RIMS2: variants seen among roughly 807,000 people sequenced by gnomAD.
RIMS2 encodes the protein regulating synaptic membrane exocytosis 2, also known as regulating synaptic membrane exocytosis protein 2.
A neutral mutation model predicts 174.4 loss-of-function variants in RIMS2; 59 were observed. The ratio of observed to expected loss-of-function variants is 0.34; its 90% CI spans 0.27 to 0.42. The LOEUF (loss-of-function observed/expected upper bound fraction) is 0.42, where lower values mean the gene tolerates loss of function less well. Ranked by LOEUF, RIMS2 falls within the 10% of genes least tolerant of loss-of-function variation. The pLI, the probability that RIMS2 is intolerant of heterozygous loss-of-function variation, is 1.00. For missense variants in RIMS2, 1,620 were observed against 1,666.3 expected (o/e 0.97, Z 0.48); for synonymous variants, 606 against 572.5 (o/e 1.06, Z -0.84).
At chr8:104,223,633 A>G (rs1385975950) in intron 19 of RIMS2, 5 of 1,584,830 alleles carry the variant, frequency 3.2e-6, no homozygotes, top group Non-Finnish European at 4.3e-6. Context: ...ACCGCGGGAA[A>G]AGCGGGTCCT....
chr8:103,872,003 G>T (rs530641473), intron 3 of RIMS2, among the ~76,000 whole-genome samples: 1 of 152,192 alleles, frequency 6.6e-6, no homozygotes, highest in South Asian at 2.1e-4. Context: ...TTTTTTTCTA[G>T]ACTCTTGCTT....
chr8:104,113,127 G>A (rs1203290022), intron 19 of RIMS2, among the ~76,000 whole-genome samples: 5 of 152,066 alleles, frequency 3.3e-5, no homozygotes, highest in South Asian at 4.1e-4. Context: ...GACTTTAGAA[G>A]TTAACTATCT....
At chr8:104,027,035 G>T (rs1366848086) in intron 19 of RIMS2, among the ~76,000 whole-genome samples, 1 of 152,092 alleles carries the variant, frequency 6.6e-6, no homozygotes, top group Non-Finnish European at 1.5e-5. Context: ...AATACCAAGG[G>T]ATTTATCATA....
Position 103,603,473 on chromosome 8 carries a change from T to C in RIMS2, c.177-93613T>C, listed in dbSNP as rs937497307. On this transcript the variant is annotated intron_variant, in intron 1 of 23. Transcript: ENST00000504942. Reference sequence around the variant, plus strand: ...CAATAAACATACGTGTGCATGTGTCTTTATAGCAGCATGATTTAGAGTTCT... The same window carrying C: ...CAATAAACATACGTGTGCATGTGTCCTTATAGCAGCATGATTTAGAGTTCT... Among the ~76,000 whole-genome samples, 86 of 151,568 alleles carry C rather than the reference T, an allele frequency of 5.7e-4. 1 individual carries two copies. The highest frequency in any genetic ancestry group is 1.8e-3 in the African/African-American group (73 of 41,256).
intron 19 of RIMS2, among the ~76,000 whole-genome samples, chr8:104,213,505 C>T (rs1406207552): frequency 6.6e-6 from 1 of 152,092 alleles, no homozygotes; most frequent in African/African-American, 2.4e-5. Context: ...TTCCCGTTTG[C>T]TCATTATTTT....
intron 1 of RIMS2, among the ~76,000 whole-genome samples, chr8:103,622,581 A>G (rs2134718652): frequency 6.6e-6 from 1 of 152,336 alleles, no homozygotes; most frequent in South Asian, 2.1e-4. Flanking sequence ...GATTATAGCC[A>G]GGTCATAGAT....
chr8:104,118,370 G>GTTTTTT (rs113018786), intron 19 of RIMS2, among the ~76,000 whole-genome samples: 1 of 136,492 alleles, frequency 7.3e-6, no homozygotes, highest in Non-Finnish European at 1.6e-5. Flanking sequence ...TTGTTTTTTT[G>GTTTTTT]TTTTTTTTTT....
chr8:103,939,111 T>C (rs2081968828), intron 13 of RIMS2, among the ~76,000 whole-genome samples: 1 of 152,188 alleles, frequency 6.6e-6, no homozygotes, highest in Admixed American at 6.5e-5. Context: ...ACAGCTCCAC[T>C]AGGTGGTGCC....
chr8:103,541,180 A>C (rs2080610), intron 1 of RIMS2, among the ~76,000 whole-genome samples: 57,119 of 151,982 alleles, frequency 0.38, 11,073 homozygotes, highest in African/African-American at 0.4. Context: ...TCAGTCCATA[A>C]ACGACCACAT....
At chr8:104,136,680 A>C (rs1298034994) in intron 19 of RIMS2, among the ~76,000 whole-genome samples, 1 of 152,202 alleles carries the variant, frequency 6.6e-6, no homozygotes, top group African/African-American at 2.4e-5. Flanking sequence ...CATTATCCTT[A>C]GCAAACTAAC....
intron 3 of RIMS2, among the ~76,000 whole-genome samples, chr8:103,797,863 C>T (rs1414736760): frequency 6.6e-6 from 1 of 152,080 alleles, no homozygotes; most frequent in Non-Finnish European, 1.5e-5. Flanking sequence ...TTTGTCACTG[C>T]CAGTCCTGGC....
chr8:103,610,272 T>A (rs1362202168), intron 1 of RIMS2, among the ~76,000 whole-genome samples: 2 of 152,178 alleles, frequency 1.3e-5, no homozygotes, highest in Admixed American at 1.3e-4. Context: ...CTATGTCATA[T>A]GCAAAGGGGA....
intron 19 of RIMS2, among the ~76,000 whole-genome samples, chr8:104,120,494 G>A (rs1366593776): frequency 6.6e-6 from 1 of 151,986 alleles, no homozygotes; most frequent in Non-Finnish European, 1.5e-5. Flanking sequence ...AGTAATTTCG[G>A]TATCCATCAA....
chr8:103,941,902 A>G (rs951150418), intron 13 of RIMS2, among the ~76,000 whole-genome samples: 4 of 152,212 alleles, frequency 2.6e-5, no homozygotes, highest in African/African-American at 9.6e-5. Context: ...TGAAAATTAA[A>G]CAATAAGACG....
Position 103,814,594 on chromosome 8 carries a change from G to A in RIMS2, c.698+48057G>A, listed in dbSNP as rs374961917. On this transcript the variant is annotated intron_variant, in intron 3 of 23. Coordinates refer to ENST00000504942, the Ensembl canonical transcript of RIMS2. ...AGGAATTACTGTTTAAGAAGGAGAAGTCAGGCACAGTGGCCCACACCTGTA... is the reference window on the plus strand; with the variant it reads ...AGGAATTACTGTTTAAGAAGGAGAAATCAGGCACAGTGGCCCACACCTGTA... Among the ~76,000 whole-genome samples the A allele has an allele frequency of 7.2e-5, 11 of 152,286 alleles. No individual in the cohort carries two copies. In the South Asian group the frequency reaches 1.2e-3, roughly 17 times the overall value.
Position 103,863,896 on chromosome 8 carries a change from T to G in RIMS2, c.699-21402T>G, listed in dbSNP as rs576499340. On this transcript the variant is annotated intron_variant, in intron 3 of 23. Transcript: ENST00000504942. ...ATTTTCAAAGAACCAAGTTTTTTTT[T>G]TTGTTTTTTTTGTTTGTTTGTTTGT... 7.1e-3 allele frequency among the ~76,000 whole-genome samples: 870 copies of G among 122,976 alleles called. 8 individuals are homozygous for G. Among genetic ancestry groups the G allele is most frequent in the African/African-American group, 0.029 (820 of 28,082 alleles). The allele number at this position is 122,976 out of a possible 152,430, so 80.7% of individuals were successfully genotyped here. A position where few individuals can be genotyped will look rare whatever the true frequency, so the allele number is the denominator to read the frequency against.
At chr8:104,248,946 T>A in intron 21 of RIMS2, 133 bp downstream of exon 27, 1 of 577,994 alleles carries the variant, frequency 1.7e-6, no homozygotes, top group East Asian at 2.9e-5. Flanking sequence ...TTTTTTTTTT[T>A]AAGACAGAGT....
At chr8:104,095,901 C>T (rs2097754998) in intron 19 of RIMS2, among the ~76,000 whole-genome samples, 1 of 152,022 alleles carries the variant, frequency 6.6e-6, no homozygotes, top group African/African-American at 2.4e-5. Context: ...AGCCGATGTC[C>T]CTTCCCTTGT....
intron 12 of RIMS2, among the ~76,000 whole-genome samples, chr8:103,932,800 G>A (rs1324580909): frequency 1.3e-5 from 2 of 152,186 alleles, no homozygotes; most frequent in African/African-American, 4.8e-5. Flanking sequence ...AGTGGCTCAT[G>A]CCTGTAATCA....
Sources: allele counts gnomAD v4.1 joint callset (sites outside exome capture counted in the v4.1 genomes callset), GRCh38; gene constraint gnomAD v4.1.1; transcripts MANE v1.5; gene names NCBI Gene and HGNC (gene_info 2026-07-23, HGNC 2026-07-21).